The following CCNI2 variants were observed in gnomAD, a reference collection of about 807,000 sequenced individuals.
CCNI2 encodes cyclin-I2.
CCNI2 carries 32 observed loss-of-function variants against 33.2 expected under a neutral mutation model. That is an observed-to-expected ratio of 0.96 (90% confidence interval 0.73 to 1.30). CCNI2 has a LOEUF of 1.30. CCNI2 is among the 50% of genes most tolerant of loss of function. The pLI is 0.00. For synonymous variants in CCNI2, 231 were observed against 219.9 expected (o/e 1.05, Z -0.45); for missense variants, 452 against 486.2 (o/e 0.93, Z 0.66).
downstream of CCNI2, among the ~76,000 whole-genome samples, chr5:132,755,838 T>A (rs1165393352): frequency 1.3e-5 from 2 of 152,208 alleles, no homozygotes; most frequent in Non-Finnish European, 2.9e-5. Context: ...CTTTCACAGA[T>A]GTCTGTAGCA....
chr5:132,748,916 G>A (rs1754688274), intron 2 of CCNI2, among the ~76,000 whole-genome samples: 1 of 152,138 alleles, frequency 6.6e-6, no homozygotes, highest in Non-Finnish European at 1.5e-5. Flanking sequence ...CTAACATTCT[G>A]TCTTGTGGAG....
In CCNI2 at chr5:132,748,950, A is replaced by G. The variant is rs535187802; in HGVS notation, c.559-398A>G. 1.8e-3 allele frequency among the ~76,000 whole-genome samples: 276 copies of G among 151,520 alleles called. 2 individuals carry two copies. The highest frequency in any genetic ancestry group is 3.7e-3 in the Admixed American group (56 of 15,246). On this transcript the variant is annotated intron_variant, in intron 2 of 5. Coordinates refer to ENST00000378731, the MANE Select transcript of CCNI2 (RefSeq NM_001039780.4). ...AGAAATTGAGCCTTTTAAAAATGGGAAAAAAAAGCTTATTAAAACAAACGG... is the reference window on the plus strand; with the variant it reads ...AGAAATTGAGCCTTTTAAAAATGGGGAAAAAAAGCTTATTAAAACAAACGG...
chr5:132,747,516 C>G lies in CCNI2; in HGVS notation c.21C>G (p.Leu7=). Residue 7 remains leucine (L), a synonymous_variant, in exon 1 of 6, where the codon CTC becomes CTG. Transcript: ENST00000378731. The surrounding 1 kb of genome is among the most constrained non-coding windows in gnomAD (Gnocchi z 4.1). The stretch of plus-strand genomic sequence containing the variant: ...ACGACATGGCCTCGGGCGCTCAGCT[C>G]CCGCCGCAGCCGTCGAGCTCAGAGG... MASGAQ[L]PPQPSSSEVS... The G allele has an allele frequency of 6.7e-7, 1 of 1,494,530 alleles. No individual in the cohort carries two copies. The highest frequency in any genetic ancestry group is 1.3e-5 in the South Asian group (1 of 79,050). 92.6% of individuals were successfully genotyped at this position (1,494,530 alleles called of 1,614,324 possible).
In CCNI2 at chr5:132,751,959, T is replaced by C; in HGVS notation, c.775-7T>C. On this transcript the variant is annotated splice_polypyrimidine_tract_variant and splice_region_variant and intron_variant, in intron 4 of 5. Coordinates refer to ENST00000378731, the MANE Select transcript of CCNI2 (RefSeq NM_001039780.4). ...TCTGTTCTAACATTAAAAACCATGG[T>C]CTCCAGTTCCATGCCCTGGTGGTCC... The C allele has an allele frequency of 6.2e-7, 1 of 1,603,944 alleles. No homozygotes were observed.
At position 132,749,266 on chromosome 5, in the gene CCNI2, A is replaced by G. The variant is rs867644256; in HGVS notation, c.559-82A>G. The G allele has an allele frequency of 3.7e-4, 438 of 1,191,332 alleles. 2 individuals are homozygous for G. The highest frequency in any genetic ancestry group is 1.3e-3 in the Middle Eastern group (7 of 5,312). The allele number at this position is 1,191,332 out of a possible 1,614,324, so 73.8% of individuals were successfully genotyped here. A position where few individuals can be genotyped will look rare whatever the true frequency, so the allele number is the denominator to read the frequency against. ...GTGAGACTCCATGTCAAAAAAGTGT[A>G]TAAAAGAAAACAAACACAGATGCTT... On this transcript the variant is annotated intron_variant, in intron 2 of 5. Coordinates refer to ENST00000378731, the MANE Select transcript of CCNI2 (RefSeq NM_001039780.4).
Position 132,752,964 on chromosome 5 carries a change from C to T in CCNI2, c.1104C>T (p.Ala368=), listed in dbSNP as rs762115874. 6.2e-7 allele frequency: 1 copy of T among 1,613,604 alleles called. No individual in the cohort carries two copies. The highest frequency in any genetic ancestry group is 8.5e-7 in the Non-Finnish European group (1 of 1,179,652). ...GCACAGACAACTTTGTGTCACCTGC[C>T]AACTAGCCCCTCTGCCTCCACCCCG... ...SSCTDNFVSP[A]N Residue 368 remains alanine (A), a synonymous_variant, in exon 6 of 6, where the codon GCC becomes GCT. Transcript: ENST00000378731.
In CCNI2 at chr5:132,753,141, G is replaced by A. The variant is rs192495871; in HGVS notation, c.*171G>A. 451 of 617,544 alleles carry A rather than the reference G, an allele frequency of 7.3e-4. 2 individuals are homozygous for A. The African/African-American group carries it at 7.6e-3, about 10-fold the overall frequency. 38.3% of individuals were successfully genotyped at this position (617,544 alleles called of 1,614,324 possible). On this transcript the variant is annotated 3_prime_UTR_variant, in exon 6 of 6. Transcript: ENST00000378731. ...CCTTGGAAAAAAAATAAAGGGGAGA[G>A]GGGAAAGGCAGGCTGAGGTCAGTAG...
downstream of CCNI2, chr5:132,754,627 CT>C (rs1755169958): frequency 1.1e-5 from 7 of 643,042 alleles, no homozygotes; most frequent in Admixed American, 1.0e-4. Flanking sequence ...GGGAAGCTCA[CT>C]TTTGTATTGC....
At chr5:132,755,983 C>CA, downstream of CCNI2, 1 of 984,392 alleles carries the variant, frequency 1.0e-6, no homozygotes, top group Non-Finnish European at 1.2e-6. Context: ...AGCTACTGCC[C>CA]AAAAAAGACA....
chr5:132,749,480 G>A, intron 3 of CCNI2, 58 bp downstream of exon 3: 1 of 1,398,836 alleles, frequency 7.1e-7, no homozygotes, highest in Non-Finnish European at 1.0e-6. Context: ...GTGTAACATT[G>A]GAGGACTCCA....
At chr5:132,749,630 C>T (rs1366948891) in intron 3 of CCNI2, among the ~76,000 whole-genome samples, 4 of 152,146 alleles carry the variant, frequency 2.6e-5, no homozygotes, top group Non-Finnish European at 4.4e-5. Context: ...GCTGAACTGT[C>T]CTGGCCCACC....
intron 2 of CCNI2, among the ~76,000 whole-genome samples, chr5:132,748,894 C>A (rs964240059): frequency 6.6e-6 from 1 of 152,094 alleles, no homozygotes; most frequent in African/African-American, 2.4e-5. Context: ...TTGGTCAGAT[C>A]TAAAAACGGC....
rs758888109 is a variant in CCNI2, at chr5:132,753,017, C to T, written c.*47C>T. 6.9e-7 allele frequency: 1 copy of T among 1,451,302 alleles called. No homozygotes were observed. Among genetic ancestry groups the T allele is most frequent in the South Asian group, 1.1e-5 (1 of 87,304 alleles). The allele number at this position is 1,451,302 out of a possible 1,614,324, so 89.9% of individuals were successfully genotyped here. Reference sequence around the variant, plus strand: ...GCTTTCAGAGCATAGTGTGAAACCTCCTTGCTTGGACTACCATGAGTTCTT... The same window carrying T: ...GCTTTCAGAGCATAGTGTGAAACCTTCTTGCTTGGACTACCATGAGTTCTT... On this transcript the variant is annotated 3_prime_UTR_variant, in exon 6 of 6. Transcript: ENST00000378731.
chr5:132,754,505 G>A (rs749207189), downstream of CCNI2: 4 of 717,504 alleles, frequency 5.6e-6, no homozygotes, highest in South Asian at 4.4e-5. Flanking sequence ...TCTGAGAGCT[G>A]ATCCAACTCA....
rs1754715295 is a variant in CCNI2 at position 132,749,401 on chromosome 5, A to G, written c.612A>G (p.Ala204=). 6.2e-7 allele frequency: 1 copy of G among 1,614,200 alleles called. No individual in the cohort carries two copies. The stretch of plus-strand genomic sequence containing the variant: ...CAATTACTTCCTTGAGGCTCGCTGC[A>G]AAAGTTAATGAAGAAGAGGAGGTAT... The part of the protein sequence containing the change: ...CATITSLRLA[A]KVNEEEEFIP... Residue 204 remains alanine (A), a synonymous_variant, in exon 3 of 6, where the codon GCA becomes GCG. Coordinates refer to ENST00000378731, the MANE Select transcript of CCNI2 (RefSeq NM_001039780.4).
At position 132,747,689 on chromosome 5, in the gene CCNI2, C is replaced by T. The variant is rs1356501498; in HGVS notation, c.194C>T (p.Ala65Val). Residue 65 changes from alanine to valine, a missense_variant, in exon 1 of 6, where the codon GCC (alanine) becomes GTC (valine). Ala to Val is a moderately conservative substitution (Grantham distance 64). Coordinates refer to ENST00000378731, the MANE Select transcript of CCNI2 (RefSeq NM_001039780.4). This position sits in a 1 kb window ranked among gnomAD's most constrained non-coding sequence, Gnocchi z 4.1. The stretch of plus-strand genomic sequence containing the variant: ...CCTGGGACCCGCCAGCCCGGAGCGG[C>T]CTCCCTCCACGCGGCGTCCGCAGCA... ...RCPGTRQPGA[A>V]SLHAASAAVP... 6.7e-7 allele frequency: 1 copy of T among 1,499,054 alleles called. No individual in the cohort carries two copies. The highest frequency in any genetic ancestry group is 2.1e-5 in the Admixed American group (1 of 46,758). 92.9% of individuals were successfully genotyped at this position (1,499,054 alleles called of 1,614,324 possible). A position where few individuals can be genotyped will look rare whatever the true frequency, so the allele number is the denominator to read the frequency against.
At position 132,750,986 on chromosome 5, in the gene CCNI2, T is replaced by G. The variant is rs778319161; in HGVS notation, c.763T>G (p.Phe255Val). 4.3e-6 allele frequency: 7 copies of G among 1,613,580 alleles called. No individual in the cohort carries two copies. Among genetic ancestry groups the G allele is most frequent in the Non-Finnish European group, 5.9e-6 (7 of 1,179,936 alleles). ...CCTCTATATTGGGACGCCGCTGGAC[T>G]TCTTGACTATAGTGAGTAAGGAGGT... ...WDLYIGTPLD[F>V]LTIFHALVVL... The change falls in exon 4 of 6, where the codon TTC (phenylalanine) becomes GTC (valine). Residue 255 changes from phenylalanine to valine, a missense_variant. By Grantham distance (50) the Phe-to-Val change is conservative. Coordinates refer to ENST00000378731, the MANE Select transcript of CCNI2 (RefSeq NM_001039780.4).
rs1755138182 is a variant in CCNI2 at position 132,754,317 on chromosome 5, C to T, written c.*1347C>T. 2.0e-5 allele frequency: 14 copies of T among 691,620 alleles called. No individual in the cohort carries two copies. In the East Asian group the frequency reaches 3.8e-4, roughly 19 times the overall value. The allele number at this position is 691,620 out of a possible 1,614,324, so 42.8% of individuals were successfully genotyped here. On this transcript the variant is annotated 3_prime_UTR_variant, in exon 6 of 6. Coordinates refer to ENST00000378731, the MANE Select transcript of CCNI2 (RefSeq NM_001039780.4). ...GATGCTGAGGCCATGCTGCTCACAG[C>T]TTCCAGTGGTGGCCGTTGAGTGCCC...
At chr5:132,752,631 G>T (rs1259321501) in intron 5 of CCNI2, among the ~76,000 whole-genome samples, 1 of 152,192 alleles carries the variant, frequency 6.6e-6, no homozygotes, top group Non-Finnish European at 1.5e-5. Context: ...AAGGAGGAGA[G>T]GGGTGTGTCA....
Sources: gnomAD v4.1 joint callset for allele counts (sites outside exome capture counted in the v4.1 genomes callset) on GRCh38, gnomAD v4.1.1 for gene constraint, Gnocchi (gnomAD v3.1) non-coding constraint, MANE v1.5 for transcripts, NCBI Gene and HGNC (gene_info 2026-07-23, HGNC 2026-07-21) for gene names.